The following HECTD4 variants were observed in gnomAD, a reference collection of about 807,000 sequenced individuals.
The protein encoded by HECTD4 is HECT domain E3 ubiquitin protein ligase 4.
In HECTD4, 114 loss-of-function variants were observed where a neutral mutation model predicts 471.5. The observed-to-expected ratio is 0.24, with a 90% CI of 0.21 to 0.28. The LOEUF (loss-of-function observed/expected upper bound fraction) is 0.28, where lower values mean the gene tolerates loss of function less well. HECTD4 is among the 10% of genes least tolerant of loss of function. The pLI is 1.00. For synonymous variants in HECTD4, 2,012 were observed against 2,256.0 expected (o/e 0.89, Z 3.07); for missense variants, 3,866 against 5,651.5 (o/e 0.68, Z 10.13).
rs184512053 is a variant in HECTD4 at position 112,177,623 on chromosome 12, G to A, written c.11364-921C>T. On this transcript the variant is annotated intron_variant, in intron 64 of 75. Coordinates refer to ENST00000682272, the MANE Select transcript of HECTD4 (RefSeq NM_001388303.1). ...TCTCGATCTCCTGACCTTGTGAACC[G>A]CCCATCTCGGCCTCCCAAAGTGCTG... Among the ~76,000 whole-genome samples, 419 of 152,182 alleles carry A rather than the reference G, an allele frequency of 2.8e-3. 6 individuals carry two copies. Among genetic ancestry groups the A allele is most frequent in the African/African-American group, 9.8e-3 (409 of 41,528 alleles).
intron 69 of HECTD4, chr12:112,169,934 GC>G (rs2031145909): frequency 3.5e-6 from 2 of 573,562 alleles, no homozygotes; most frequent in Non-Finnish European, 3.1e-6. Flanking sequence ...GGAGGTCCTC[GC>G]CCCCCAACTC....
chr12:112,162,845 T>A lies in HECTD4; in HGVS notation c.13120+197A>T. 1 of 566,862 alleles carries A rather than the reference T, an allele frequency of 1.8e-6. No individual in the cohort carries two copies. Among genetic ancestry groups the A allele is most frequent in the Non-Finnish European group, 3.1e-6 (1 of 322,524 alleles). The allele number at this position is 566,862 out of a possible 1,614,324, so 35.1% of individuals were successfully genotyped here. On this transcript the variant is annotated intron_variant, in intron 75 of 75. Transcript: ENST00000682272. The surrounding 1 kb of genome is among the most constrained non-coding windows in gnomAD (Gnocchi z 5.2). ...AGCATTCTGGATTTTCAGCTTCTTT[T>A]AAGATATGAGAAAGTATCTAACAGC...
chr12:112,164,489 C>T (rs1566056486), intron 72 of HECTD4, among the ~76,000 whole-genome samples: 1 of 152,214 alleles, frequency 6.6e-6, no homozygotes, highest in Non-Finnish European at 1.5e-5. Context: ...ACATTCCAGG[C>T]CTCTTCCCAC....
In HECTD4 at chr12:112,164,243, G is replaced by A. The variant is rs769405915; in HGVS notation, c.12567C>T (p.Cys4189=). ...CCAGGTGCTGGGAGGCGATCTCAGC[G>A]CACAGGGCCTCCAGCTCGGTCTCAT... ...INDETELEAL[C]AEIASQHLAT... The change falls in exon 73 of 76, where the codon TGC becomes TGT. Residue 4189 remains cysteine (C), a synonymous_variant. Coordinates refer to ENST00000682272, the MANE Select transcript of HECTD4 (RefSeq NM_001388303.1). 1.6e-5 allele frequency: 26 copies of A among 1,613,486 alleles called. No homozygotes were observed. The highest frequency in any genetic ancestry group is 4.0e-5 in the African/African-American group (3 of 74,912).
rs1364540724 is a variant in HECTD4, at chr12:112,235,711, G to A, written c.5518C>T (p.Arg1840Cys). 6.2e-7 allele frequency: 1 copy of A among 1,613,982 alleles called. No individual in the cohort carries two copies. Among genetic ancestry groups the A allele is most frequent in the Non-Finnish European group, 8.5e-7 (1 of 1,179,878 alleles). Residue 1840 changes from arginine (R) to cysteine (C), a missense_variant, in exon 36 of 76, where the codon CGC (arginine) becomes TGC (cysteine). Physicochemically the swap from Arg to Cys is radical, Grantham distance 180. Transcript: ENST00000682272. This position sits in a 1 kb window ranked among gnomAD's most constrained non-coding sequence, Gnocchi z 5.0. ...ATAAGGACTAGCTTTGGAGACGGGC[G>A]TTGGTCAAGCAGCAGGGAGAGGAGT... Reference protein sequence around the residue: ...SKLLSLLLDQRPSPKLVLIIL... With the variant: ...SKLLSLLLDQCPSPKLVLIIL...
chr12:112,230,844 A>T lies in HECTD4; in HGVS notation c.6201-22T>A, dbSNP rs772165809. On this transcript the variant is annotated intron_variant, in intron 39 of 75. Transcript: ENST00000682272. ...AGTCCTGCAAGTGTCAACAGGAAAA[A>T]GTGTCAGTGCCCAGTGATGGTTAAG... 4.4e-6 allele frequency: 7 copies of T among 1,602,708 alleles called. No individual in the cohort carries two copies. In the East Asian group the frequency reaches 1.6e-4, roughly 36 times the overall value.
intron 2 of HECTD4, among the ~76,000 whole-genome samples, chr12:112,316,653 G>C (rs916876272): frequency 3.3e-5 from 5 of 152,144 alleles, no homozygotes; most frequent in African/African-American, 1.2e-4. Context: ...CTGTACATCA[G>C]AAATGTTCAA....
Position 112,193,947 on chromosome 12 carries a change from C to T in HECTD4, c.8750-273G>A, listed in dbSNP as rs1044407427. On this transcript the variant is annotated intron_variant, in intron 56 of 75. Coordinates refer to ENST00000682272, the MANE Select transcript of HECTD4 (RefSeq NM_001388303.1). This position sits in a 1 kb window ranked among gnomAD's most constrained non-coding sequence, Gnocchi z 5.2. ...AAATCTACACAGAGGCCCAGGTCTA[C>T]GAAATATATCAAATGGGGCTGCTTG... is the stretch of plus-strand genomic sequence containing the variant. 1.2e-4 allele frequency among the ~76,000 whole-genome samples: 18 copies of T among 152,168 alleles called. No individual in the cohort carries two copies. The highest frequency in any genetic ancestry group is 1.5e-4 in the Non-Finnish European group (10 of 68,024).
chr12:112,223,575 A>G (rs2033154811), intron 44 of HECTD4, among the ~76,000 whole-genome samples: 1 of 152,080 alleles, frequency 6.6e-6, no homozygotes, highest in African/African-American at 2.4e-5. Context: ...ACACCCCACC[A>G]TATCTGGCTA....
chr12:112,207,090 C>T (rs547928420), intron 52 of HECTD4, among the ~76,000 whole-genome samples: 9 of 151,544 alleles, frequency 5.9e-5, no homozygotes, highest in African/African-American at 2.2e-4. Context: ...AAAAAAAATA[C>T]TGTTTGTTTA....
chr12:112,273,190 T>C (rs560251382), intron 11 of HECTD4, among the ~76,000 whole-genome samples: 23 of 152,176 alleles, frequency 1.5e-4, no homozygotes, highest in Non-Finnish European at 2.8e-4. Context: ...CATATTAGCA[T>C]AGTTGACTTT....
chr12:112,341,672 A>G (rs1414706020), intron 1 of HECTD4, among the ~76,000 whole-genome samples: 1 of 152,216 alleles, frequency 6.6e-6, no homozygotes, highest in African/African-American at 2.4e-5. Flanking sequence ...GCAAAGAACA[A>G]ATGTTCAGAA....
Position 112,250,193 on chromosome 12 carries a change from G to A in HECTD4, c.3901C>T (p.Leu1301Phe). The change falls in exon 25 of 76, where the codon CTC becomes TTC. Residue 1301 changes from leucine (L) to phenylalanine (F), a missense_variant. Leu to Phe is a conservative substitution (Grantham distance 22). Around this residue, in one of 16 missense-constraint regions of HECTD4, gnomAD observed 281 missense variants for 499.9 expected, o/e 0.56. Transcript: ENST00000682272. ...IRLPPGIMIKLREISGRARPQ... is the reference protein window; with the variant it reads ...IRLPPGIMIKFREISGRARPQ... ...CTAGCACGCCCAGAAATTTCCCTGA[G>A]CTTTATCATGATTCCTGGAGGCAGT... is the stretch of plus-strand genomic sequence containing the variant. 1 of 1,613,930 alleles carries A rather than the reference G, an allele frequency of 6.2e-7. No individual in the cohort carries two copies. Among genetic ancestry groups the A allele is most frequent in the Non-Finnish European group, 8.5e-7 (1 of 1,179,872 alleles).
intron 1 of HECTD4, among the ~76,000 whole-genome samples, chr12:112,331,004 G>A (rs1028565986): frequency 2.0e-5 from 3 of 152,094 alleles, no homozygotes; most frequent in Admixed American, 6.5e-5. Context: ...GTCCCGCCCC[G>A]GTCTGGTTAC....
At chr12:112,209,920 T>C in intron 50 of HECTD4, 95 bp downstream of exon 50, 1 of 1,031,346 alleles carries the variant, frequency 9.7e-7, no homozygotes, top group Non-Finnish European at 1.5e-6. Context: ...CTCCTGATTG[T>C]AATGAGGATG....
chr12:112,230,150 C>T (rs927734111), intron 40 of HECTD4, among the ~76,000 whole-genome samples: 1 of 152,178 alleles, frequency 6.6e-6, no homozygotes, highest in Non-Finnish European at 1.5e-5. Flanking sequence ...GAAGGAAAAC[C>T]ATCCCAGCAT....
At chr12:112,271,300 T>C (rs2034407909) in intron 11 of HECTD4, among the ~76,000 whole-genome samples, 1 of 152,202 alleles carries the variant, frequency 6.6e-6, no homozygotes, top group South Asian at 2.1e-4. Context: ...AGTTCTCTGA[T>C]ATGCTTCTTC....
intron 54 of HECTD4, 117 bp downstream of exon 54, chr12:112,203,519 C>A (rs1054544998): frequency 5.9e-6 from 5 of 854,008 alleles, no homozygotes; most frequent in Non-Finnish European, 8.6e-6. Flanking sequence ...GTGTCTTCGT[C>A]CCTGATTTGA....
At chr12:112,266,857 C>T in intron 14 of HECTD4, 55 bp downstream of exon 14, 1 of 871,194 alleles carries the variant, frequency 1.1e-6, no homozygotes, top group Non-Finnish European at 1.9e-6. Flanking sequence ...GCAGTTGTTT[C>T]CTTGGGGACA....
Sources: gnomAD v4.1 joint callset for allele counts (sites outside exome capture counted in the v4.1 genomes callset) on GRCh38, gnomAD v4.1.1 for gene constraint, gnomAD v4.1.1 regional missense constraint, Gnocchi (gnomAD v3.1) non-coding constraint, MANE v1.5 for transcripts, NCBI Gene and HGNC (gene_info 2026-07-23, HGNC 2026-07-21) for gene names.